The following TNFRSF10A variants were observed in gnomAD, a reference collection of about 807,000 sequenced individuals.
TNFRSF10A encodes tumor necrosis factor receptor superfamily member 10A.
Under a neutral mutation model 42.8 loss-of-function variants are expected in TNFRSF10A, and 44 were observed. The ratio of observed to expected loss-of-function variants is 1.03; its 90% CI spans 0.81 to 1.32. The LOEUF is 1.32. Ranked by LOEUF, TNFRSF10A falls within the 40% of genes most tolerant of loss-of-function variation. The pLI is 0.00. For synonymous variants in TNFRSF10A, 259 were observed against 234.2 expected, an observed-to-expected ratio of 1.11 and a Z score of -0.97; for missense variants, 680 against 602.0, an observed-to-expected ratio of 1.13 and a Z score of -1.36.
rs1786993355 is a variant in TNFRSF10A, at chr8:23,224,911, C to T, written c.151G>A (p.Gly51Ser). 1.9e-6 allele frequency: 3 copies of T among 1,596,898 alleles called. No homozygotes were observed. The highest frequency in any genetic ancestry group is 2.7e-5 in the African/African-American group (2 of 74,512). Residue 51 changes from glycine (G) to serine (S), a missense_variant, in exon 1 of 10, where the codon GGC becomes AGC. By Grantham distance (56) the Gly-to-Ser change is moderately conservative. Coordinates refer to ENST00000221132, the MANE Select transcript of TNFRSF10A (RefSeq NM_003844.4). Reference sequence around the variant, plus strand: ...ATGGAGGTAGGGAGCGCTCCTCGGCCCCCGCCTCGTGGTTCAATCCTCCCC... The same window carrying T: ...ATGGAGGTAGGGAGCGCTCCTCGGCTCCCGCCTCGTGGTTCAATCCTCCCC... ...SAGRIEPRGG[G>S]RGALPTSMGQ...
chr8:23,216,456 A>T (rs927928787), intron 1 of TNFRSF10A, among the ~76,000 whole-genome samples: 2 of 152,010 alleles, frequency 1.3e-5, no homozygotes, highest in African/African-American at 4.8e-5. Context: ...CCCAAAAGAA[A>T]CTCCAGGCCA....
intron 2 of TNFRSF10A, 150 bp from the exon 3 acceptor site, chr8:23,202,911 T>G (rs1800954729): frequency 1.7e-6 from 1 of 595,966 alleles, no homozygotes; most frequent in African/African-American, 1.8e-5. Flanking sequence ...CAATTCTGCA[T>G]CTATACACAC....
At chr8:23,224,352 G>A (rs1171633417) in intron 1 of TNFRSF10A, 1 of 177,684 alleles carries the variant, frequency 5.6e-6, no homozygotes, top group Non-Finnish European at 1.2e-5. Flanking sequence ...CGGGGGTGGG[G>A]AGGGAATCAG....
chr8:23,223,385 A>G (rs974370435), intron 1 of TNFRSF10A, among the ~76,000 whole-genome samples: 2 of 152,184 alleles, frequency 1.3e-5, no homozygotes, highest in Non-Finnish European at 2.9e-5. Context: ...TTTTATAGCC[A>G]CACCAACGGA....
chr8:23,199,997 G>T lies in TNFRSF10A; in HGVS notation c.800-80C>A. 1.9e-6 allele frequency: 3 copies of T among 1,574,942 alleles called. No homozygotes were observed. The South Asian group carries it at 3.3e-5, about 17-fold the overall frequency. On this transcript the variant is annotated intron_variant, in intron 6 of 9. Transcript: ENST00000221132. Reference sequence around the variant, plus strand: ...TTCTTAGAGGGCAGTGTTGGGCAGGGGTGGGCTGGGGGCTGGGACACTGGA... The same window carrying T: ...TTCTTAGAGGGCAGTGTTGGGCAGGTGTGGGCTGGGGGCTGGGACACTGGA...
At chr8:23,200,372 T>G (rs1585280845) in intron 6 of TNFRSF10A, 133 bp downstream of exon 6, 1 of 946,530 alleles carries the variant, frequency 1.1e-6, no homozygotes. Context: ...GGATGGGGGG[T>G]GATCACAAGG....
chr8:23,204,390 A>G (rs1800977038), intron 2 of TNFRSF10A, among the ~76,000 whole-genome samples: 1 of 152,230 alleles, frequency 6.6e-6, no homozygotes, highest in Admixed American at 6.5e-5. Flanking sequence ...AACTGCATGG[A>G]AGAAATCTTG....
chr8:23,224,591 G>T, intron 1 of TNFRSF10A, 165 bp downstream of exon 1: 1 of 941,986 alleles, frequency 1.1e-6, no homozygotes, highest in South Asian at 1.8e-5. Flanking sequence ...GCCTGGCCCC[G>T]GGGACCCCGT....
rs372876121 is a variant in TNFRSF10A at position 23,222,128 on chromosome 8, C to T, written c.306+2628G>A. On this transcript the variant is annotated intron_variant, in intron 1 of 9. Coordinates refer to ENST00000221132, the MANE Select transcript of TNFRSF10A (RefSeq NM_003844.4). ...TCCTGACCTCGTGATCCACCTGTCTCGGCCTCCCAAAGTGCTGGGATTACA... is the reference window on the plus strand; with the variant it reads ...TCCTGACCTCGTGATCCACCTGTCTTGGCCTCCCAAAGTGCTGGGATTACA... Among the ~76,000 whole-genome samples, 22 of 152,278 alleles carry T rather than the reference C, an allele frequency of 1.4e-4. 1 individual carries two copies. Among genetic ancestry groups the T allele is most frequent in the South Asian group, 6.2e-4 (3 of 4,826 alleles).
At chr8:23,199,011 A>G (rs1050140218) in intron 8 of TNFRSF10A, among the ~76,000 whole-genome samples, 1 of 152,256 alleles carries the variant, frequency 6.6e-6, no homozygotes, top group Non-Finnish European at 1.5e-5. Flanking sequence ...TCAGTCATCA[A>G]CAAACCCTGT....
At chr8:23,215,344 C>T (rs1441431008) in intron 1 of TNFRSF10A, among the ~76,000 whole-genome samples, 1 of 151,928 alleles carries the variant, frequency 6.6e-6, no homozygotes, top group Non-Finnish European at 1.5e-5. Context: ...GGTGAAACCC[C>T]GTCTCTACTA....
chr8:23,224,669 G>A (rs544066003), intron 1 of TNFRSF10A, 87 bp downstream of exon 1: 9 of 1,460,052 alleles, frequency 6.2e-6, no homozygotes, highest in South Asian at 4.1e-5. Context: ...ACCCGGGCCA[G>A]GCACCCCCGC....
intron 3 of TNFRSF10A, among the ~76,000 whole-genome samples, 186 bp downstream of exon 3, chr8:23,202,462 A>G (rs952114368): frequency 6.6e-6 from 1 of 152,096 alleles, no homozygotes; most frequent in Non-Finnish European, 1.5e-5. Flanking sequence ...TTGCACTACC[A>G]GGTGGCATGC....
rs200946083 is a variant in TNFRSF10A at position 23,199,932 on chromosome 8, G to C, written c.800-15C>G. 1 of 1,613,908 alleles carries C rather than the reference G, an allele frequency of 6.2e-7. No individual in the cohort carries two copies. Among genetic ancestry groups the C allele is most frequent in the Admixed American group, 1.7e-5 (1 of 59,994 alleles). On this transcript the variant is annotated splice_polypyrimidine_tract_variant and intron_variant, in intron 6 of 9. Transcript: ENST00000221132. ...CCCTCCACAACCTAGAAGAGAAGAC[G>C]GTTCCCTTAGTGGCCAGGGAGGGGC...
chr8:23,191,605 T>C lies in TNFRSF10A; in HGVS notation c.*89A>G, dbSNP rs573498784. ...ATGAGCCACTACACCTGGCTAAGAA[T>C]TTACTTTGTATACATGTTAAAAAAA... On this transcript the variant is annotated 3_prime_UTR_variant, in exon 10 of 10. Transcript: ENST00000221132. 4 of 1,440,630 alleles carry C rather than the reference T, an allele frequency of 2.8e-6. No homozygotes were observed. The African/African-American group carries it at 5.7e-5, about 21-fold the overall frequency. 89.2% of individuals were successfully genotyped at this position (1,440,630 alleles called of 1,614,324 possible). A position where few individuals can be genotyped will look rare whatever the true frequency, so the allele number is the denominator to read the frequency against.
intron 7 of TNFRSF10A, 21 bp from the exon 8 acceptor site, chr8:23,199,469 A>C: frequency 1.9e-6 from 3 of 1,601,622 alleles, no homozygotes; most frequent in Non-Finnish European, 1.7e-6. Context: ...CAAAGAGCCA[A>C]CTCAGAAGCC....
At chr8:23,204,491 A>G (rs1800978228) in intron 2 of TNFRSF10A, among the ~76,000 whole-genome samples, 2 of 152,216 alleles carry the variant, frequency 1.3e-5, no homozygotes, top group Non-Finnish European at 2.9e-5. Flanking sequence ...TTCATACCAA[A>G]AAAATCTAGA....
chr8:23,207,193 T>C, intron 2 of TNFRSF10A: 1 of 598,754 alleles, frequency 1.7e-6, no homozygotes, highest in East Asian at 4.0e-5. Context: ...CTTGTGTTCA[T>C]TGTAGATGTT....
intron 2 of TNFRSF10A, among the ~76,000 whole-genome samples, chr8:23,210,176 C>A (rs1311384873): frequency 6.6e-6 from 1 of 152,200 alleles, no homozygotes; most frequent in Non-Finnish European, 1.5e-5. Flanking sequence ...CCACATGGAA[C>A]TGTTAAGTCC....
Sources: gnomAD v4.1 joint callset for allele counts (sites outside exome capture counted in the v4.1 genomes callset) on GRCh38, gnomAD v4.1.1 for gene constraint, MANE v1.5 for transcripts, NCBI Gene and HGNC (gene_info 2026-07-23, HGNC 2026-07-21) for gene names.